Variants in CDON observed in about 807,000 individuals in gnomAD.
CDON encodes cell adhesion associated, oncogene regulated.
Under a neutral mutation model 120.9 loss-of-function variants are expected in CDON, and 73 were observed. The observed-to-expected ratio is 0.60, with a 90% CI of 0.50 to 0.73. The LOEUF is 0.73. Among genes scored for constraint, CDON ranks in the 30% least tolerant of loss-of-function variants. The pLI, the probability that CDON is intolerant of heterozygous loss-of-function variation, is 0.00. For missense variants in CDON, 1,470 were observed against 1,587.3 expected, an observed-to-expected ratio of 0.93 and a Z score of 1.26; for synonymous variants, 566 against 573.5, an observed-to-expected ratio of 0.99 and a Z score of 0.19.
At chr11:125,979,373 T>C (rs1274956453) in intron 17 of CDON, among the ~76,000 whole-genome samples, 1 of 152,172 alleles carries the variant, frequency 6.6e-6, no homozygotes. Context: ...GAAAGAACTC[T>C]CCTATACTAT....
chr11:125,987,625 A>G (rs1946507270), intron 15 of CDON, among the ~76,000 whole-genome samples: 1 of 152,224 alleles, frequency 6.6e-6, no homozygotes, highest in South Asian at 2.1e-4. Flanking sequence ...AAAATGAGGT[A>G]TACTATTGTA....
At position 125,960,932 on chromosome 11, in the gene CDON, T is replaced by G. The variant is rs2134333296; in HGVS notation, c.*10A>C. On this transcript the variant is annotated 3_prime_UTR_variant, in exon 20 of 20. Transcript: ENST00000531738. ...TTGAAGTTGGAACATGACTGGTTGT[T>G]TGCATGTCCTCAGGTTTCCCGGGGC... 6.2e-7 allele frequency: 1 copy of G among 1,613,842 alleles called. No individual in the cohort carries two copies. Among genetic ancestry groups the G allele is most frequent in the South Asian group, 1.1e-5 (1 of 91,052 alleles).
chr11:126,046,744 C>T (rs1222502999), intron 1 of CDON, among the ~76,000 whole-genome samples: 1 of 152,116 alleles, frequency 6.6e-6, no homozygotes, highest in Non-Finnish European at 1.5e-5. Flanking sequence ...CAGCTAGAAA[C>T]AAAACGGGAG....
Position 126,017,310 on chromosome 11 carries a change from G to A in CDON, c.706C>T (p.Arg236Cys), listed in dbSNP as rs773805014. The A allele has an allele frequency of 3.7e-6, 6 of 1,614,096 alleles. No homozygotes were observed. Among genetic ancestry groups the A allele is most frequent in the South Asian group, 1.1e-5 (1 of 91,066 alleles). Reference protein sequence around the residue: ...THSQALAVLSRSPVTLECVVS... With the variant: ...THSQALAVLSCSPVTLECVVS... Reference sequence around the variant, plus strand: ...ACACACTCCAAGGTTACAGGGCTACGAGAAAGAACAGCTAATGCCTGTGAA... The same window carrying A: ...ACACACTCCAAGGTTACAGGGCTACAAGAAAGAACAGCTAATGCCTGTGAA... Residue 236 changes from arginine to cysteine, a missense_variant, in exon 6 of 20, where the codon CGT becomes TGT. Transcript: ENST00000531738.
intron 1 of CDON, among the ~76,000 whole-genome samples, chr11:126,029,367 T>C (rs558090533): frequency 1.3e-4 from 20 of 152,302 alleles, no homozygotes; most frequent in South Asian, 6.2e-4. Context: ...ATCTATTATA[T>C]AGTAGAATAA....
At chr11:126,031,766 C>T (rs777572231) in intron 1 of CDON, among the ~76,000 whole-genome samples, 6 of 152,088 alleles carry the variant, frequency 3.9e-5, no homozygotes, top group Non-Finnish European at 8.8e-5. Flanking sequence ...AGTTTGAATG[C>T]GAGGTAACTA....
At chr11:126,003,595 C>T (rs113244588) in intron 10 of CDON, among the ~76,000 whole-genome samples, 7 of 152,010 alleles carry the variant, frequency 4.6e-5, no homozygotes, top group East Asian at 1.9e-4. Flanking sequence ...CTGAGGTGGG[C>T]GGATCACGAG....
At chr11:125,986,545 A>C (rs1265768682) in intron 15 of CDON, among the ~76,000 whole-genome samples, 4 of 152,104 alleles carry the variant, frequency 2.6e-5, no homozygotes, top group Non-Finnish European at 5.9e-5. Flanking sequence ...CTGGGCGGAT[A>C]ACGAGGTCAG....
intron 10 of CDON, among the ~76,000 whole-genome samples, chr11:126,002,727 C>A (rs1346092265): frequency 6.6e-6 from 1 of 152,194 alleles, no homozygotes; most frequent in East Asian, 1.9e-4. Flanking sequence ...CCACACTATC[C>A]AGACTCCAGC....
At chr11:125,988,653 G>A (rs1304679349) in intron 15 of CDON, among the ~76,000 whole-genome samples, 1 of 152,210 alleles carries the variant, frequency 6.6e-6, no homozygotes, top group Non-Finnish European at 1.5e-5. Flanking sequence ...AACTGAGACT[G>A]TGGACGAGTG....
intron 1 of CDON, among the ~76,000 whole-genome samples, chr11:126,062,296 G>T (rs1349014219): frequency 6.6e-6 from 1 of 152,112 alleles, no homozygotes; most frequent in Non-Finnish European, 1.5e-5. Context: ...ACCTGCCCCC[G>T]AGGACCATCG....
At chr11:126,018,905 C>A (rs764072341) in intron 4 of CDON, among the ~76,000 whole-genome samples, 4 of 151,936 alleles carry the variant, frequency 2.6e-5, no homozygotes, top group Non-Finnish European at 5.9e-5. Context: ...GGTAAAGAAG[C>A]AATCAAGGAA....
chr11:125,996,536 T>C (rs556903996), intron 12 of CDON, among the ~76,000 whole-genome samples: 1 of 151,302 alleles, frequency 6.6e-6, no homozygotes, highest in Non-Finnish European at 1.5e-5. Flanking sequence ...CCATCTCTAC[T>C]AAAAAATACA....
chr11:125,981,137 C>T lies in CDON; in HGVS notation c.3188G>A (p.Gly1063Glu). The change falls in exon 17 of 20, where the codon GGG (glycine) becomes GAG (glutamate). Residue 1063 changes from glycine to glutamate, a missense_variant. By Grantham distance (98) the Gly-to-Glu change is moderately conservative (BLOSUM62 -2). Transcript: ENST00000531738. ...GGAGTAAAGCCCTCCATTTAGGCTC[C>T]CATTCACAATTCCATTGACTGCATT... ...VPNAVNGIVN[G>E]SLNGGLYSGH... 3.1e-6 allele frequency: 5 copies of T among 1,614,166 alleles called. No homozygotes were observed. Among genetic ancestry groups the T allele is most frequent in the South Asian group, 1.1e-5 (1 of 91,074 alleles).
intron 4 of CDON, among the ~76,000 whole-genome samples, 199 bp from the exon 5 acceptor site, chr11:126,018,672 G>A (rs1219542106): frequency 5.3e-5 from 8 of 152,154 alleles, no homozygotes; most frequent in Middle Eastern, 3.4e-3. Context: ...GGACTCAAGC[G>A]GTCCTCCCAC....
rs146660717 is a variant in CDON at position 125,994,953 on chromosome 11, C to T, written c.2462G>A (p.Arg821His). ...RPYQVVGFPN[R>H]FSSRPITGPH... is the part of the protein sequence containing the mutation. Reference sequence around the variant, plus strand: ...TCCAGTTATTGGACGGCTGGAAAAGCGATTGGGGAACCCAACCACTTGATA... The same window carrying T: ...TCCAGTTATTGGACGGCTGGAAAAGTGATTGGGGAACCCAACCACTTGATA... The change falls in exon 13 of 20, where the codon CGC (arginine) becomes CAC (histidine). Residue 821 changes from arginine (R) to histidine (H), a missense_variant. Arg to His is a conservative substitution (Grantham distance 29). Coordinates refer to ENST00000531738, the MANE Select transcript of CDON (RefSeq NM_001378964.1). 4.3e-4 allele frequency: 701 copies of T among 1,613,820 alleles called. 1 individual carries two copies. The highest frequency in any genetic ancestry group is 2.9e-3 in the African/African-American group (217 of 75,002).
chr11:125,989,883 A>G, intron 14 of CDON, 124 bp from the exon 15 acceptor site: 1 of 824,308 alleles, frequency 1.2e-6, no homozygotes, highest in Non-Finnish European at 2.0e-6. Flanking sequence ...TTTGTGCAAT[A>G]AAAATGTACT....
intron 10 of CDON, among the ~76,000 whole-genome samples, chr11:126,003,471 G>C (rs936349359): frequency 6.6e-6 from 1 of 152,182 alleles, no homozygotes; most frequent in Admixed American, 6.5e-5. Flanking sequence ...CAAAATGGAA[G>C]GGGGAGGCTA....
At chr11:125,982,602 C>T (rs1259712557) in intron 16 of CDON, among the ~76,000 whole-genome samples, 1 of 152,180 alleles carries the variant, frequency 6.6e-6, no homozygotes, top group Non-Finnish European at 1.5e-5. Flanking sequence ...ACCATTACAT[C>T]TCCACTGTCC....
Sources: allele counts gnomAD v4.1 joint callset (sites outside exome capture counted in the v4.1 genomes callset), GRCh38; gene constraint gnomAD v4.1.1; transcripts MANE v1.5; gene names NCBI Gene and HGNC (gene_info 2026-07-23, HGNC 2026-07-21).